Variants in ROBO2 observed in about 807,000 individuals in gnomAD.
ROBO2 encodes roundabout guidance receptor 2, also known as roundabout homolog 2.
ROBO2 carries 53 observed loss-of-function variants against 160.8 expected under a neutral mutation model. The ratio of observed to expected loss-of-function variants is 0.33; its 90% CI spans 0.26 to 0.41. The LOEUF is 0.41. ROBO2 is among the 10% of genes least tolerant of loss of function. ROBO2 has a pLI of 1.00. For missense variants in ROBO2, 1,577 were observed against 1,722.4 expected (o/e 0.92, Z 1.49); for synonymous variants, 664 against 611.7 (o/e 1.09, Z -1.26).
intron 2 of ROBO2, among the ~76,000 whole-genome samples, chr3:76,059,049 T>C: frequency 6.6e-6 from 1 of 150,992 alleles, no homozygotes. Flanking sequence ...CAGTCTATCA[T>C]TGTTGGACAT....
chr3:76,108,960 A>G (rs1251604099), intron 2 of ROBO2, among the ~76,000 whole-genome samples: 1 of 140,538 alleles, frequency 7.1e-6, no homozygotes, highest in Non-Finnish European at 1.5e-5. Flanking sequence ...TTATATGATA[A>G]TAATTTTTAT....
chr3:76,871,819 C>A (rs1271265139), intron 2 of ROBO2, among the ~76,000 whole-genome samples: 2 of 152,098 alleles, frequency 1.3e-5, no homozygotes, highest in African/African-American at 4.8e-5. Context: ...CTTGTAGCCA[C>A]CAGCTCTTGC....
rs867545784 is a variant in ROBO2, at chr3:76,414,624, G to A, written c.109+477022G>A. Among the ~76,000 whole-genome samples, 171 of 118,098 alleles carry A rather than the reference G, an allele frequency of 1.4e-3. 1 individual carries two copies. Among genetic ancestry groups the A allele is most frequent in the African/African-American group, 5.4e-3 (165 of 30,566 alleles). The allele number at this position is 118,098 out of a possible 152,430, so 77.5% of individuals were successfully genotyped here. A position where few individuals can be genotyped will look rare whatever the true frequency, so the allele number is the denominator to read the frequency against. On this transcript the variant is annotated intron_variant, in intron 2 of 26. Transcript: ENST00000487694. ...CACTCTGGGGACTGTGGTGGGGAGG[G>A]GGGAGGGGGGAGGGATAGCATTGGG...
intron 2 of ROBO2, among the ~76,000 whole-genome samples, chr3:76,145,441 G>T (rs1441782910): frequency 6.6e-6 from 1 of 151,896 alleles, no homozygotes; most frequent in Non-Finnish European, 1.5e-5. Flanking sequence ...GGAGGAGACA[G>T]GTCTGATTAT....
In ROBO2 at chr3:77,368,114, A is replaced by G. The variant is rs181043719; in HGVS notation, c.389-109300A>G. ...TCATGAAACAGTGTTTGTCTATTAA[A>G]CAGATTCTGGTCATAAGTTTTTCAA... On this transcript the variant is annotated intron_variant, in intron 2 of 25. Transcript: ENST00000461745. Among the ~76,000 whole-genome samples, 297 of 152,184 alleles carry G rather than the reference A, an allele frequency of 2.0e-3. 1 individual carries two copies. Among genetic ancestry groups the G allele is most frequent in the South Asian group, 3.5e-3 (17 of 4,824 alleles).
intron 2 of ROBO2, among the ~76,000 whole-genome samples, chr3:77,390,712 A>G (rs2074636230): frequency 3.3e-5 from 5 of 152,232 alleles, no homozygotes; most frequent in Admixed American, 2.6e-4. Flanking sequence ...AATGAACATT[A>G]TATTTTTAAA....
chr3:76,453,383 C>A (rs2077576415), intron 2 of ROBO2, among the ~76,000 whole-genome samples: 1 of 152,206 alleles, frequency 6.6e-6, no homozygotes, highest in Non-Finnish European at 1.5e-5. Context: ...CCAGTTTCAA[C>A]TTCCTACATA....
intron 2 of ROBO2, among the ~76,000 whole-genome samples, chr3:76,699,124 A>T (rs757142438): frequency 2.0e-5 from 3 of 152,178 alleles, no homozygotes; most frequent in Non-Finnish European, 4.4e-5. Flanking sequence ...TTTGAGCCAC[A>T]CTGAAAAGTA....
intron 2 of ROBO2, among the ~76,000 whole-genome samples, chr3:76,223,670 G>T (rs1007908587): frequency 6.6e-6 from 1 of 152,102 alleles, no homozygotes; most frequent in Admixed American, 6.6e-5. Context: ...ACAGGATAAG[G>T]TCAATAATCT....
At chr3:76,948,884 A>T (rs1407536789) in intron 2 of ROBO2, among the ~76,000 whole-genome samples, 1 of 31,154 alleles carries the variant, frequency 3.2e-5, no homozygotes, top group African/African-American at 1.4e-4. Context: ...TTATATATAT[A>T]TATATATATA....
chr3:76,611,416 G>A (rs1223785443), intron 2 of ROBO2, among the ~76,000 whole-genome samples: 1 of 152,110 alleles, frequency 6.6e-6, no homozygotes, highest in Non-Finnish European at 1.5e-5. Flanking sequence ...TTCTTTGCCG[G>A]AAGGCTTTTT....
At chr3:76,307,358 T>G (rs1006326130) in intron 2 of ROBO2, among the ~76,000 whole-genome samples, 6 of 152,238 alleles carry the variant, frequency 3.9e-5, no homozygotes, top group Non-Finnish European at 8.8e-5. Context: ...TTTATAGTAC[T>G]CCTTCTCTGC....
intron 2 of ROBO2, among the ~76,000 whole-genome samples, chr3:77,466,931 G>A (rs1315996885): frequency 6.6e-6 from 1 of 152,178 alleles, no homozygotes; most frequent in East Asian, 1.9e-4. Flanking sequence ...CAACAGTAGA[G>A]AAATATCGGA....
chr3:76,081,018 C>T (rs1168905546), intron 2 of ROBO2, among the ~76,000 whole-genome samples: 2 of 152,046 alleles, frequency 1.3e-5, no homozygotes, highest in East Asian at 3.9e-4. Flanking sequence ...TATAGCTCCT[C>T]TTTTAAAAAG....
chr3:77,241,717 G>T (rs1210351144), intron 2 of ROBO2, among the ~76,000 whole-genome samples: 1 of 152,146 alleles, frequency 6.6e-6, no homozygotes, highest in African/African-American at 2.4e-5. Flanking sequence ...ATAAATAGTG[G>T]CTATGCTCGT....
chr3:76,089,924 A>G (rs2069163178), intron 2 of ROBO2, among the ~76,000 whole-genome samples: 1 of 152,182 alleles, frequency 6.6e-6, no homozygotes, highest in African/African-American at 2.4e-5. Context: ...ACATAAAAAA[A>G]TCCAAAAGAA....
chr3:76,777,471 G>A (rs889577329), intron 2 of ROBO2, among the ~76,000 whole-genome samples: 10 of 150,930 alleles, frequency 6.6e-5, no homozygotes, highest in African/African-American at 2.4e-4. Context: ...TGAGATTTCT[G>A]CTGAATTGAG....
At chr3:76,016,656 AT>A (rs1456918646) in intron 2 of ROBO2, among the ~76,000 whole-genome samples, 1 of 152,170 alleles carries the variant, frequency 6.6e-6, no homozygotes, top group African/African-American at 2.4e-5. Context: ...AATAAAAAAA[AT>A]AAACTGGTAT....
intron 2 of ROBO2, among the ~76,000 whole-genome samples, chr3:76,695,971 T>C (rs1210447346): frequency 3.3e-5 from 5 of 152,206 alleles, no homozygotes; most frequent in Non-Finnish European, 7.3e-5. Flanking sequence ...TTCCCACTGC[T>C]TGGATGGTCC....
Sources: gnomAD v4.1 joint callset for allele counts (sites outside exome capture counted in the v4.1 genomes callset) on GRCh38, gnomAD v4.1.1 for gene constraint, MANE v1.5 for transcripts, NCBI Gene and HGNC (gene_info 2026-07-23, HGNC 2026-07-21) for gene names.